The following KHDRBS2 variants were observed in gnomAD, a reference collection of about 807,000 sequenced individuals.
The protein encoded by KHDRBS2 is KH domain-containing, RNA-binding, signal transduction-associated protein 2.
A neutral mutation model predicts 44.3 loss-of-function variants in KHDRBS2; 26 were observed. That is an observed-to-expected ratio of 0.59 (90% CI 0.43 to 0.81). KHDRBS2 has a LOEUF of 0.81. KHDRBS2 is among the 40% of genes least tolerant of loss of function. KHDRBS2 has a pLI of 0.00. For missense variants in KHDRBS2, 476 were observed against 433.1 expected (o/e 1.10, Z -0.88); for synonymous variants, 194 against 151.1 (o/e 1.28, Z -2.08).
chr6:61,678,731 CA>C (rs1452486984), downstream of KHDRBS2, among the ~76,000 whole-genome samples: 2 of 151,842 alleles, frequency 1.3e-5, no homozygotes, highest in Non-Finnish European at 2.9e-5. Context: ...TCAAAGAGGA[CA>C]AAAAATACTT....
At chr6:61,670,404 A>G in the KHDRBS2 span, among the ~76,000 whole-genome samples, 1 of 151,514 alleles carries the variant, frequency 6.6e-6, no homozygotes, top group African/African-American at 2.4e-5. Context: ...TTGCCTTACA[A>G]GAAAGCATAA....
In KHDRBS2 at chr6:61,791,524, A is replaced by G. The variant is rs144687961; in HGVS notation, c.811-58760T>C. 3.0e-3 allele frequency among the ~76,000 whole-genome samples: 454 copies of G among 151,618 alleles called. 5 individuals are homozygous for G. The highest frequency in any genetic ancestry group is 0.01 in the African/African-American group (435 of 41,540). On this transcript the variant is annotated intron_variant, in intron 6 of 8. Transcript: ENST00000281156. Reference sequence around the variant, plus strand: ...CAAGCTGTTTCTTATTTCTTCAGAGATTAAATTAATTGAGATCAAAAATTA... The same window carrying G: ...CAAGCTGTTTCTTATTTCTTCAGAGGTTAAATTAATTGAGATCAAAAATTA...
At position 61,720,043 on chromosome 6, in the gene KHDRBS2, C is replaced by T. The variant is rs1341284457; in HGVS notation, c.893+12639G>A. On this transcript the variant is annotated intron_variant, in intron 7 of 8. Coordinates refer to ENST00000281156, the MANE Select transcript of KHDRBS2 (RefSeq NM_152688.4). ...AATATGCGGTGTTTGGTTTTTTGTT[C>T]TTGCGATAGTTTACTGAGAATGATG... 2.0e-5 allele frequency among the ~76,000 whole-genome samples: 3 copies of T among 151,914 alleles called. No individual in the cohort carries two copies. The East Asian group carries it at 5.8e-4, about 29-fold the overall frequency.
intron 1 of KHDRBS2, among the ~76,000 whole-genome samples, chr6:62,261,285 T>A (rs1838293373): frequency 6.6e-6 from 1 of 151,918 alleles, no homozygotes; most frequent in South Asian, 2.1e-4. Flanking sequence ...TCATTCCACA[T>A]GTGCCTATGC....
At chr6:62,155,928 T>G (rs925804339) in intron 2 of KHDRBS2, among the ~76,000 whole-genome samples, 2 of 152,200 alleles carry the variant, frequency 1.3e-5, no homozygotes, top group African/African-American at 2.4e-5. Context: ...AAAAATCCCA[T>G]CATAATTTCA....
the KHDRBS2 span, among the ~76,000 whole-genome samples, chr6:61,570,992 A>G: frequency 1.3e-5 from 2 of 152,072 alleles, no homozygotes; most frequent in Non-Finnish European, 2.9e-5. Context: ...CAGGGCCTAT[A>G]AAATAATAAC....
chr6:62,124,809 C>G (rs1808559522), intron 2 of KHDRBS2, among the ~76,000 whole-genome samples: 2 of 152,080 alleles, frequency 1.3e-5, no homozygotes, highest in Admixed American at 1.3e-4. Context: ...TTTAATAAAT[C>G]TCCATACTGT....
intron 6 of KHDRBS2, among the ~76,000 whole-genome samples, chr6:61,817,887 T>A (rs370945362): frequency 6.6e-6 from 1 of 152,082 alleles, no homozygotes; most frequent in Non-Finnish European, 1.5e-5. Flanking sequence ...GTTGAAACAT[T>A]GGTGACAGGC....
At chr6:61,894,453 A>G (rs984689781) in intron 6 of KHDRBS2, among the ~76,000 whole-genome samples, 182 bp downstream of exon 6, 2 of 152,198 alleles carry the variant, frequency 1.3e-5, no homozygotes, top group African/African-American at 4.8e-5. Flanking sequence ...GACACCTGTA[A>G]AATGAAACCT....
chr6:62,065,623 G>A (rs1279747083), intron 2 of KHDRBS2, among the ~76,000 whole-genome samples: 2 of 128,442 alleles, frequency 1.6e-5, no homozygotes, highest in Non-Finnish European at 3.2e-5. Flanking sequence ...TCACACTCTG[G>A]GGACTGTGGT....
intron 6 of KHDRBS2, among the ~76,000 whole-genome samples, chr6:61,781,090 T>C (rs776805722): frequency 3.1e-4 from 47 of 152,314 alleles, no homozygotes; most frequent in Non-Finnish European, 6.8e-4. Context: ...ATTTTCTAAA[T>C]TTGAGGAAAA....
chr6:61,848,604 A>T (rs1794997650), intron 6 of KHDRBS2, among the ~76,000 whole-genome samples: 2 of 108,606 alleles, frequency 1.8e-5, no homozygotes, highest in African/African-American at 3.4e-5. Context: ...CTTTTTTTTA[A>T]CTCGATTCCA....
chr6:61,559,540 T>C, the KHDRBS2 span, among the ~76,000 whole-genome samples: 4 of 152,148 alleles, frequency 2.6e-5, no homozygotes, highest in African/African-American at 7.2e-5. Flanking sequence ...TGATGGTATG[T>C]TTTAATTTCT....
intron 3 of KHDRBS2, among the ~76,000 whole-genome samples, chr6:61,992,625 G>A (rs781730904): frequency 7.2e-5 from 11 of 152,040 alleles, no homozygotes; most frequent in Admixed American, 2.0e-4. Context: ...GCGCGCGTGC[G>A]CACGCTTATA....
chr6:61,736,911 T>G (rs985922094), intron 6 of KHDRBS2, among the ~76,000 whole-genome samples: 1 of 152,122 alleles, frequency 6.6e-6, no homozygotes, highest in African/African-American at 2.4e-5. Flanking sequence ...TCTCTCTTTT[T>G]AGAATTTAAG....
chr6:62,163,417 C>T (rs1818040753), intron 2 of KHDRBS2, among the ~76,000 whole-genome samples: 1 of 151,986 alleles, frequency 6.6e-6, no homozygotes, highest in South Asian at 2.1e-4. Flanking sequence ...ATTGAACTTT[C>T]TTTTCAATTC....
chr6:61,853,558 G>T (rs1338206641), intron 6 of KHDRBS2, among the ~76,000 whole-genome samples: 1 of 152,136 alleles, frequency 6.6e-6, no homozygotes, highest in African/African-American at 2.4e-5. Context: ...TGTAAAAATG[G>T]ATTGAAAAGG....
intron 3 of KHDRBS2, among the ~76,000 whole-genome samples, chr6:62,037,264 T>C (rs181655557): frequency 5.1e-4 from 77 of 152,014 alleles, no homozygotes; most frequent in Admixed American, 4.9e-3. Context: ...GCTTGCCATC[T>C]TATACTGCAT....
At chr6:61,657,329 C>G in the KHDRBS2 span, among the ~76,000 whole-genome samples, 15 of 151,998 alleles carry the variant, frequency 9.9e-5, no homozygotes, top group African/African-American at 3.6e-4. Context: ...GTACTATTTT[C>G]CCATCTGTGT....
Sources: allele counts gnomAD v4.1 joint callset (sites outside exome capture counted in the v4.1 genomes callset), GRCh38; gene constraint gnomAD v4.1.1; transcripts MANE v1.5; gene names NCBI Gene and HGNC (gene_info 2026-07-23, HGNC 2026-07-21).